The following ZNF804B variants were observed in gnomAD, a reference collection of about 807,000 sequenced individuals.
ZNF804B encodes zinc finger protein 804B.
ZNF804B carries 80 observed loss-of-function variants against 101.4 expected under a neutral mutation model. That is an observed-to-expected ratio of 0.79 (90% CI 0.66 to 0.95). ZNF804B has a LOEUF of 0.95. Among genes scored for constraint, ZNF804B ranks in the 40% least tolerant of loss-of-function variants. The pLI is 0.00. For missense variants in ZNF804B, 1,673 were observed against 1,561.9 expected, an observed-to-expected ratio of 1.07 and a Z score of -1.20; for synonymous variants, 622 against 558.8, an observed-to-expected ratio of 1.11 and a Z score of -1.59.
intron 1 of ZNF804B, among the ~76,000 whole-genome samples, chr7:88,793,211 G>T (rs1790407023): frequency 6.6e-6 from 1 of 152,022 alleles, no homozygotes; most frequent in South Asian, 2.1e-4. Context: ...TTTAAACAAT[G>T]CAAAAAATAT....
intron 1 of ZNF804B, among the ~76,000 whole-genome samples, chr7:88,830,952 CAT>C (rs1791123548): frequency 6.6e-6 from 1 of 151,756 alleles, no homozygotes; most frequent in Non-Finnish European, 1.5e-5. Flanking sequence ...ATTCTTTAAG[CAT>C]TAGGAATATC....
At chr7:88,933,580 A>C (rs74891127) in intron 1 of ZNF804B, among the ~76,000 whole-genome samples, 4,977 of 152,136 alleles carry the variant, frequency 0.033, 100 homozygotes, top group East Asian at 0.049. Flanking sequence ...TGATAAATTC[A>C]GTAAAGTCTC....
At chr7:88,827,565 C>G (rs192763818) in intron 1 of ZNF804B, among the ~76,000 whole-genome samples, 4 of 151,890 alleles carry the variant, frequency 2.6e-5, no homozygotes, top group Admixed American at 2.6e-4. Flanking sequence ...TAGTTTTTGC[C>G]ACTCATTTGG....
At chr7:89,066,747 T>A (rs1789460674) in intron 1 of ZNF804B, among the ~76,000 whole-genome samples, 1 of 144,674 alleles carries the variant, frequency 6.9e-6, no homozygotes, top group Non-Finnish European at 1.5e-5. Flanking sequence ...ATTCTTTTGC[T>A]TGTTTATTTG....
intron 1 of ZNF804B, among the ~76,000 whole-genome samples, chr7:88,889,740 G>A (rs1792188906): frequency 6.6e-6 from 1 of 152,140 alleles, no homozygotes; most frequent in African/African-American, 2.4e-5. Flanking sequence ...TGTTTACTCA[G>A]TTGATAGTTT....
chr7:89,334,854 C>G lies in ZNF804B; in HGVS notation c.1872C>G (p.Asp624Glu), dbSNP rs377652682. 9 of 1,613,682 alleles carry G rather than the reference C, an allele frequency of 5.6e-6. No homozygotes were observed. Among genetic ancestry groups the G allele is most frequent in the Non-Finnish European group, 1.7e-6 (2 of 1,179,870 alleles). Residue 624 changes from aspartate (D) to glutamate (E), a missense_variant, in exon 4 of 4, where the codon GAC (aspartate) becomes GAG (glutamate). Physicochemically the swap from Asp to Glu is conservative, Grantham distance 45 (BLOSUM62 2). Transcript: ENST00000333190. Reference protein sequence around the residue: ...RKAVLNDIDEDLSFPSYISRF... With the variant: ...RKAVLNDIDEELSFPSYISRF... The stretch of plus-strand genomic sequence containing the variant: ...CAGTTCTAAATGATATAGATGAGGA[C>G]CTATCTTTTCCTTCCTACATCTCTA...
At chr7:89,095,092 C>T (rs1294806125) in intron 1 of ZNF804B, among the ~76,000 whole-genome samples, 1 of 152,100 alleles carries the variant, frequency 6.6e-6, no homozygotes, top group Non-Finnish European at 1.5e-5. Context: ...AACTTCATCC[C>T]CAATGAAATA....
chr7:89,277,380 A>G (rs1263189997), intron 2 of ZNF804B, among the ~76,000 whole-genome samples: 1 of 147,250 alleles, frequency 6.8e-6, no homozygotes, highest in Non-Finnish European at 1.5e-5. Flanking sequence ...CACAATGTGC[A>G]GGTTAGTTAC....
chr7:88,915,030 T>G (rs1263872046), intron 1 of ZNF804B, among the ~76,000 whole-genome samples: 1 of 152,146 alleles, frequency 6.6e-6, no homozygotes, highest in Admixed American at 6.5e-5. Context: ...CTTCCCACCC[T>G]TTTTTAATGA....
intron 1 of ZNF804B, among the ~76,000 whole-genome samples, chr7:88,777,879 G>T (rs1790168728): frequency 6.7e-6 from 1 of 148,748 alleles, no homozygotes; most frequent in African/African-American, 2.5e-5. Context: ...TGCAGAAACT[G>T]AGAGGAAGTG....
chr7:89,210,394 A>G (rs926301773), intron 1 of ZNF804B, among the ~76,000 whole-genome samples: 1 of 152,070 alleles, frequency 6.6e-6, no homozygotes, highest in Non-Finnish European at 1.5e-5. Flanking sequence ...GGTTTGTTAC[A>G]TAGGTAAACG....
chr7:89,236,011 G>C (rs1051437890), intron 2 of ZNF804B, among the ~76,000 whole-genome samples: 4 of 151,984 alleles, frequency 2.6e-5, no homozygotes, highest in Non-Finnish European at 5.9e-5. Flanking sequence ...TTCAAAGTTG[G>C]CTCCCAAATT....
At chr7:88,839,873 G>A (rs1282294093) in intron 1 of ZNF804B, among the ~76,000 whole-genome samples, 1 of 151,940 alleles carries the variant, frequency 6.6e-6, no homozygotes, top group East Asian at 1.9e-4. Context: ...TACATAGCAC[G>A]TGGCATATAA....
intron 1 of ZNF804B, among the ~76,000 whole-genome samples, chr7:88,977,144 G>T (rs1317046130): frequency 2.0e-5 from 3 of 151,318 alleles, no homozygotes; most frequent in Non-Finnish European, 1.5e-5. Flanking sequence ...CTAGTATTTT[G>T]TAGAGGATTT....
chr7:88,943,397 G>T (rs541766900), intron 1 of ZNF804B, among the ~76,000 whole-genome samples: 30 of 151,698 alleles, frequency 2.0e-4, no homozygotes, highest in Admixed American at 2.0e-4. Context: ...GATTCTATTT[G>T]GACTTTTCTG....
intron 2 of ZNF804B, among the ~76,000 whole-genome samples, chr7:89,314,381 C>T (rs1311546276): frequency 6.6e-6 from 1 of 152,076 alleles, no homozygotes; most frequent in Non-Finnish European, 1.5e-5. Context: ...AAAAAAACTA[C>T]ACCTACCAGT....
At chr7:89,116,073 A>ATT (rs146470822) in intron 1 of ZNF804B, among the ~76,000 whole-genome samples, 3,076 of 140,714 alleles carry the variant, frequency 0.022, 99 homozygotes, top group African/African-American at 0.078. Flanking sequence ...CCCAGTTATT[A>ATT]TTTTTTTTTT....
chr7:89,126,771 C>G (rs1038905748), intron 1 of ZNF804B, among the ~76,000 whole-genome samples: 13 of 151,742 alleles, frequency 8.6e-5, no homozygotes, highest in Non-Finnish European at 1.9e-4. Context: ...AGCTATTTCT[C>G]TTCTTTAAAT....
chr7:88,995,117 A>G (rs1793902428), intron 1 of ZNF804B, among the ~76,000 whole-genome samples: 2 of 152,074 alleles, frequency 1.3e-5, no homozygotes, highest in African/African-American at 4.8e-5. Flanking sequence ...ATCTATTGCC[A>G]TGGTTCTGTT....
Sources: allele counts gnomAD v4.1 joint callset (sites outside exome capture counted in the v4.1 genomes callset), GRCh38; gene constraint gnomAD v4.1.1; transcripts MANE v1.5; gene names NCBI Gene and HGNC (gene_info 2026-07-23, HGNC 2026-07-21).